Variants in OPCML observed in about 807,000 individuals in gnomAD.
OPCML encodes the protein opioid binding protein/cell adhesion molecule like.
In OPCML, 13 loss-of-function variants were observed where a neutral mutation model predicts 37.8. The ratio of observed to expected loss-of-function variants is 0.34; its 90% CI spans 0.22 to 0.55. The LOEUF is 0.55. Ranked by LOEUF, OPCML falls within the 20% of genes least tolerant of loss-of-function variation. The probability of loss-of-function intolerance (pLI) is 0.91; values close to 1 mark genes in which losing one functional copy is unlikely to be tolerated. For missense variants in OPCML, 341 were observed against 435.6 expected, an observed-to-expected ratio of 0.78 and a Z score of 1.93; for synonymous variants, 176 against 168.8, an observed-to-expected ratio of 1.04 and a Z score of -0.33.
At chr11:133,007,153 A>G (rs1329709843) in intron 1 of OPCML, 47 of 985,452 alleles carry the variant, frequency 4.8e-5, no homozygotes, top group Non-Finnish European at 5.7e-5. Flanking sequence ...TTACAGGTAC[A>G]TGCCCACAGA....
At chr11:133,320,226 A>G (rs918060742) in intron 1 of OPCML, among the ~76,000 whole-genome samples, 1 of 152,212 alleles carries the variant, frequency 6.6e-6, no homozygotes, top group African/African-American at 2.4e-5. Flanking sequence ...AATTGAATGA[A>G]TAGACAATCT....
chr11:133,409,752 A>G (rs1382738968), intron 1 of OPCML, among the ~76,000 whole-genome samples: 1 of 152,174 alleles, frequency 6.6e-6, no homozygotes, highest in Non-Finnish European at 1.5e-5. Flanking sequence ...TAATCAAGTG[A>G]TAATCACCTC....
chr11:132,430,848 T>C (rs367756860), intron 7 of OPCML, among the ~76,000 whole-genome samples: 1 of 152,146 alleles, frequency 6.6e-6, no homozygotes, highest in African/African-American at 2.4e-5. Context: ...CACGTCGCAC[T>C]CTCTGCAGTG....
intron 3 of OPCML, among the ~76,000 whole-genome samples, chr11:132,582,584 AG>A (rs1392211285): frequency 6.6e-6 from 1 of 152,176 alleles, no homozygotes; most frequent in Non-Finnish European, 1.5e-5. Context: ...CAACTAAACA[AG>A]TGAAATAAAA....
intron 2 of OPCML, among the ~76,000 whole-genome samples, chr11:132,700,554 TAA>T (rs1943767408): frequency 6.6e-6 from 1 of 152,210 alleles, no homozygotes; most frequent in Admixed American, 6.5e-5. Context: ...CGTGGTTCAG[TAA>T]TGTGTTGTAA....
At chr11:133,234,503 CT>C (rs1316783433) in intron 1 of OPCML, among the ~76,000 whole-genome samples, 3 of 152,242 alleles carry the variant, frequency 2.0e-5, no homozygotes, top group Non-Finnish European at 4.4e-5. Context: ...TGGCCAGGGT[CT>C]TGCAGAGGAC....
At chr11:133,246,773 C>T (rs1940940540) in intron 1 of OPCML, among the ~76,000 whole-genome samples, 1 of 152,150 alleles carries the variant, frequency 6.6e-6, no homozygotes, top group South Asian at 2.1e-4. Context: ...AGTTTGGAAA[C>T]CAGCAAACAA....
chr11:133,224,464 T>G (rs555118178), intron 1 of OPCML, among the ~76,000 whole-genome samples: 1 of 152,250 alleles, frequency 6.6e-6, no homozygotes, highest in African/African-American at 2.4e-5. Context: ...GTTATCCACA[T>G]CCCAGAGATG....
chr11:133,005,790 A>G (rs1055961223), intron 1 of OPCML: 2 of 984,766 alleles, frequency 2.0e-6, no homozygotes, highest in Non-Finnish European at 2.4e-6. Context: ...AACTCCTTCA[A>G]TTAGGAGATG....
At chr11:133,162,014 T>TTTTTA (rs1950149535) in intron 1 of OPCML, among the ~76,000 whole-genome samples, 1 of 143,862 alleles carries the variant, frequency 7.0e-6, no homozygotes, top group African/African-American at 2.6e-5. Context: ...TTTTTTTGTA[T>TTTTTA]AAAATGATGC....
intron 1 of OPCML, among the ~76,000 whole-genome samples, chr11:133,305,290 C>G (rs1050490531): frequency 6.6e-6 from 1 of 152,128 alleles, no homozygotes; most frequent in Non-Finnish European, 1.5e-5. Context: ...CCCTGTACCC[C>G]TCTCCAAGGA....
intron 1 of OPCML, among the ~76,000 whole-genome samples, chr11:133,384,166 C>T (rs1192268272): frequency 7.1e-6 from 1 of 140,558 alleles, no homozygotes; most frequent in Non-Finnish European, 1.5e-5. Flanking sequence ...ACAATGTATC[C>T]AATTTCTGGG....
chr11:132,956,056 A>G (rs1341638120), intron 1 of OPCML, among the ~76,000 whole-genome samples: 1 of 152,240 alleles, frequency 6.6e-6, no homozygotes, highest in East Asian at 1.9e-4. Flanking sequence ...TCTCACAGAT[A>G]TCATAGCTAT....
At chr11:133,363,785 C>A (rs868852589) in intron 1 of OPCML, among the ~76,000 whole-genome samples, 2,734 of 152,218 alleles carry the variant, frequency 0.018, 76 homozygotes, top group African/African-American at 0.063. Context: ...TATCCCAAGC[C>A]GAGCAAAAGA....
At chr11:133,497,364 G>A (rs1254107417) in intron 1 of OPCML, among the ~76,000 whole-genome samples, 2 of 152,048 alleles carry the variant, frequency 1.3e-5, no homozygotes, top group Non-Finnish European at 2.9e-5. Flanking sequence ...CTGAATTTTT[G>A]ATAGTTTTTT....
intron 1 of OPCML, among the ~76,000 whole-genome samples, chr11:133,309,023 C>G (rs1238927178): frequency 6.6e-6 from 1 of 152,030 alleles, no homozygotes; most frequent in Non-Finnish European, 1.5e-5. Context: ...AGGAGAATTC[C>G]AATTAACAAA....
chr11:132,778,282 AC>A (rs757149012), intron 2 of OPCML, among the ~76,000 whole-genome samples: 54 of 152,264 alleles, frequency 3.5e-4, no homozygotes, highest in Non-Finnish European at 7.5e-4. Flanking sequence ...CAGTCACTGC[AC>A]TGGCCCCAGG....
chr11:132,487,228 A>G (rs1190511264), intron 4 of OPCML, among the ~76,000 whole-genome samples: 1 of 152,198 alleles, frequency 6.6e-6, no homozygotes, highest in Non-Finnish European at 1.5e-5. Flanking sequence ...CATCATGTAC[A>G]ATGACAAATC....
rs1176850867 is a variant in OPCML, at chr11:132,657,304, G to A, written c.162C>T (p.Asp54=). The change falls in exon 3 of 8, where the codon GAC becomes GAT. Residue 54 remains aspartate, a synonymous_variant. Coordinates refer to ENST00000524381, the MANE Select transcript of OPCML (RefSeq NM_001012393.5). ...ESATLRCTID[D]RVTRVAWLNR... ...TTAGCCAGGCCACCCGGGTTACCCGGTCATCTATGGTACACCTGCAGTGAG... is the reference window on the plus strand; with the variant it reads ...TTAGCCAGGCCACCCGGGTTACCCGATCATCTATGGTACACCTGCAGTGAG... The A allele has an allele frequency of 1.2e-6, 2 of 1,614,228 alleles. No homozygotes were observed.
Sources: allele counts gnomAD v4.1 joint callset (sites outside exome capture counted in the v4.1 genomes callset), GRCh38; gene constraint gnomAD v4.1.1; transcripts MANE v1.5; gene names NCBI Gene and HGNC (gene_info 2026-07-23, HGNC 2026-07-21).